The following FAM168B variants were observed in gnomAD, a reference collection of about 807,000 sequenced individuals.
FAM168B encodes the protein myelin-associated neurite-outgrowth inhibitor.
A neutral mutation model predicts 21.8 loss-of-function variants in FAM168B; 19 were observed. That is an observed-to-expected ratio of 0.87 (90% CI 0.61 to 1.28). The LOEUF is 1.28. Among genes scored for constraint, FAM168B ranks in the 50% most tolerant of loss-of-function variants. The probability of loss-of-function intolerance (pLI) is 0.00; values close to 1 mark genes in which losing one functional copy is unlikely to be tolerated. For missense variants in FAM168B, 233 were observed against 263.1 expected (o/e 0.89, Z 0.79); for synonymous variants, 126 against 104.8 (o/e 1.20, Z -1.24).
At position 131,062,524 on chromosome 2, in the gene FAM168B, T is replaced by C. The variant is rs149448233; in HGVS notation, c.155-6829A>G. ...GTGCAGCGGTGCTATCTCAGCTCAC[T>C]GCAACCTCTGCCTCCCGGGTTCAAG... On this transcript the variant is annotated intron_variant, in intron 3 of 6. Coordinates refer to ENST00000389915, the MANE Select transcript of FAM168B (RefSeq NM_001009993.4). Among the ~76,000 whole-genome samples the C allele has an allele frequency of 3.4e-3, 519 of 152,344 alleles. 14 individuals carry two copies. The East Asian group carries it at 0.077, about 23-fold the overall frequency.
chr2:131,071,910 T>A lies in FAM168B; in HGVS notation c.99A>T (p.Ala33=), dbSNP rs771740648. 5.6e-6 allele frequency: 9 copies of A among 1,613,924 alleles called. No individual in the cohort carries two copies. In the South Asian group the frequency reaches 9.9e-5, roughly 18 times the overall value. Residue 33 remains alanine (A), a synonymous_variant, in exon 3 of 7, where the codon GCA becomes GCT. Transcript: ENST00000389915. ...ACATGTTAGGAGAATAGGCAGGAGCTGCTGCTGCATAGCCCATGGGAAAAC... is the reference window on the plus strand; with the variant it reads ...ACATGTTAGGAGAATAGGCAGGAGCAGCTGCTGCATAGCCCATGGGAAAAC... The part of the protein sequence containing the change: ...PAGFPMGYAA[A]APAYSPNMYP...
At chr2:131,052,831 CA>C (rs1691765218) in intron 6 of FAM168B, 59 bp downstream of exon 6, 1 of 1,531,250 alleles carries the variant, frequency 6.5e-7, no homozygotes, top group African/African-American at 1.4e-5. Flanking sequence ...GTAAATTTGC[CA>C]CTGTCCCATG....
chr2:131,053,183 A>T (rs926816938), intron 5 of FAM168B, among the ~76,000 whole-genome samples, 168 bp from the exon 6 acceptor site: 4 of 152,178 alleles, frequency 2.6e-5, no homozygotes, highest in African/African-American at 9.7e-5. Flanking sequence ...CCCACACCCA[A>T]AAGTTGTCTC....
chr2:131,070,818 G>A (rs1032542360), intron 3 of FAM168B, among the ~76,000 whole-genome samples: 14 of 152,184 alleles, frequency 9.2e-5, no homozygotes, highest in African/African-American at 3.4e-4. Context: ...GAAAAAATGG[G>A]CCAATATGGC....
chr2:131,052,533 C>T (rs1176081691), intron 6 of FAM168B, 81 bp from the exon 7 acceptor site: 11 of 1,022,650 alleles, frequency 1.1e-5, no homozygotes, highest in Non-Finnish European at 1.3e-5. Context: ...GGATGAGGCC[C>T]AGCAGGGTCG....
rs542868863 is a variant in FAM168B, at chr2:131,058,405, C to T, written c.155-2710G>A. Among the ~76,000 whole-genome samples the T allele has an allele frequency of 1.0e-3, 152 of 152,290 alleles. 1 individual carries two copies. Among genetic ancestry groups the T allele is most frequent in the Admixed American group, 4.8e-3 (73 of 15,292 alleles). On this transcript the variant is annotated intron_variant, in intron 3 of 6. Transcript: ENST00000389915. ...GAGGTGCTGTGGCTGAGATCTGCAG[C>T]AGACCAAACAACAGGTGGTCCTGTC...
At chr2:131,057,534 G>A (rs1432420634) in intron 3 of FAM168B, among the ~76,000 whole-genome samples, 1 of 152,156 alleles carries the variant, frequency 6.6e-6, no homozygotes, top group East Asian at 1.9e-4. Flanking sequence ...GTTTTATTTG[G>A]AGTGGTGGTT....
rs752552764 is a variant in FAM168B, at chr2:131,050,630, A to G, written c.*1835T>C. The G allele has an allele frequency of 2.2e-5, 22 of 985,172 alleles. No individual in the cohort carries two copies. Among genetic ancestry groups the G allele is most frequent in the Non-Finnish European group, 2.5e-5 (21 of 829,552 alleles). 61.0% of individuals were successfully genotyped at this position (985,172 alleles called of 1,614,324 possible). A position where few individuals can be genotyped will look rare whatever the true frequency, so the allele number is the denominator to read the frequency against. On this transcript the variant is annotated 3_prime_UTR_variant, in exon 7 of 7. Transcript: ENST00000389915. Reference sequence around the variant, plus strand: ...CAATGATCCATGCAAAAATATTCCTAAACTTCTTATAAAATAAGATGTGAA... The same window carrying G: ...CAATGATCCATGCAAAAATATTCCTGAACTTCTTATAAAATAAGATGTGAA...
intron 3 of FAM168B, among the ~76,000 whole-genome samples, chr2:131,061,555 C>T (rs1282537508): frequency 2.6e-5 from 4 of 152,006 alleles, no homozygotes; most frequent in South Asian, 4.1e-4. Context: ...CTGAGGCAGG[C>T]GGATCACCTG....
rs1691952876 is a variant in FAM168B at position 131,055,337 on chromosome 2, G to T, written c.410C>A (p.Pro137His). The part of the protein sequence containing the change: ...MPATVYPAPI[P>H]PPRGNGVTMG... ...GGTGACCCCGTTGCCTCTAGGAGGG[G>T]GGATGGGAGCAGGGTACACCGTTGC... Residue 137 changes from proline (P) to histidine (H), a missense_variant, in exon 5 of 7, where the codon CCC becomes CAC. Coordinates refer to ENST00000389915, the MANE Select transcript of FAM168B (RefSeq NM_001009993.4). 7 of 1,585,206 alleles carry T rather than the reference G, an allele frequency of 4.4e-6. No individual in the cohort carries two copies. Among genetic ancestry groups the T allele is most frequent in the African/African-American group, 2.7e-5 (2 of 72,936 alleles).
chr2:131,061,880 T>C (rs1226491575), intron 3 of FAM168B, among the ~76,000 whole-genome samples: 1 of 152,100 alleles, frequency 6.6e-6, no homozygotes, highest in African/African-American at 2.4e-5. Flanking sequence ...TGAAAGATGC[T>C]GATCTGGAAG....
intron 1 of FAM168B, among the ~76,000 whole-genome samples, chr2:131,092,167 A>G (rs1256371083): frequency 2.0e-5 from 3 of 151,888 alleles, no homozygotes; most frequent in Admixed American, 6.6e-5. Flanking sequence ...AAAGTGCTCA[A>G]TTGATCCAGG....
chr2:131,052,796 T>A, intron 6 of FAM168B, 95 bp downstream of exon 6: 1 of 1,488,202 alleles, frequency 6.7e-7, no homozygotes, highest in African/African-American at 1.4e-5. Flanking sequence ...CAGGCACACT[T>A]TCCTCGTTAG....
rs1691635164 is a variant in FAM168B at position 131,050,974 on chromosome 2, G to A, written c.*1491C>T. On this transcript the variant is annotated 3_prime_UTR_variant, in exon 7 of 7. Transcript: ENST00000389915. ...CCGACATGCACTCTCATGGATACAGGACGGGCATATTTTGGGGGCGGGGTG... is the reference window on the plus strand; with the variant it reads ...CCGACATGCACTCTCATGGATACAGAACGGGCATATTTTGGGGGCGGGGTG... The A allele has an allele frequency of 3.0e-6, 3 of 985,268 alleles. No individual in the cohort carries two copies. The highest frequency in any genetic ancestry group is 6.1e-5 in the Admixed American group (1 of 16,272). The allele number at this position is 985,268 out of a possible 1,614,324, so 61.0% of individuals were successfully genotyped here.
rs988851509 is a variant in FAM168B, at chr2:131,068,867, T to C, written c.154+2988A>G. Among the ~76,000 whole-genome samples the C allele has an allele frequency of 9.9e-5, 15 of 151,926 alleles. No individual in the cohort carries two copies. The East Asian group carries it at 2.9e-3, about 29-fold the overall frequency. ...CCATCTCTACAAAAAAATAGAAAAA[T>C]TAGCCGAGTGTGGTGGTGTGCACCT... is the stretch of plus-strand genomic sequence containing the variant. On this transcript the variant is annotated intron_variant, in intron 3 of 6. Coordinates refer to ENST00000389915, the MANE Select transcript of FAM168B (RefSeq NM_001009993.4).
At position 131,055,253 on chromosome 2, in the gene FAM168B, C is replaced by T. The variant is rs148566888; in HGVS notation, c.475+19G>A. 30 of 1,527,232 alleles carry T rather than the reference C, an allele frequency of 2.0e-5. No individual in the cohort carries two copies. Among genetic ancestry groups the T allele is most frequent in the South Asian group, 1.6e-4 (12 of 76,244 alleles). 94.6% of individuals were successfully genotyped at this position (1,527,232 alleles called of 1,614,324 possible). On this transcript the variant is annotated intron_variant, in intron 5 of 6. Coordinates refer to ENST00000389915, the MANE Select transcript of FAM168B (RefSeq NM_001009993.4). ...CTAGGGTACACCATAGGACAGACAC[C>T]GCAGGAACGAGGACTTACCTGCTGA... is the stretch of plus-strand genomic sequence containing the variant.
rs1450231724 is a variant in FAM168B, at chr2:131,050,987, TGGGGGCG to T, written c.*1471_*1477del. 1.0e-6 allele frequency: 1 copy of T among 985,300 alleles called. No individual in the cohort carries two copies. The highest frequency in any genetic ancestry group is 6.1e-5 in the Admixed American group (1 of 16,268). 61.0% of individuals were successfully genotyped at this position (985,300 alleles called of 1,614,324 possible). A position where few individuals can be genotyped will look rare whatever the true frequency, so the allele number is the denominator to read the frequency against. ...TCATGGATACAGGACGGGCATATTTTGGGGGCGGGGTGGAGGGAAGCCTTTTCATTTC... is the reference window on the plus strand; with the variant it reads ...TCATGGATACAGGACGGGCATATTTTGGGTGGAGGGAAGCCTTTTCATTTC... On this transcript the variant is annotated 3_prime_UTR_variant, in exon 7 of 7. Coordinates refer to ENST00000389915, the MANE Select transcript of FAM168B (RefSeq NM_001009993.4).
At chr2:131,089,374 A>C (rs539795325) in intron 1 of FAM168B, among the ~76,000 whole-genome samples, 71 of 152,286 alleles carry the variant, frequency 4.7e-4, no homozygotes, top group Non-Finnish European at 8.8e-4. Context: ...TACCTTTAAA[A>C]AGATGACAGC....
intron 1 of FAM168B, among the ~76,000 whole-genome samples, chr2:131,087,653 G>A (rs1489674511): frequency 1.3e-5 from 2 of 152,160 alleles, no homozygotes; most frequent in Non-Finnish European, 2.9e-5. Context: ...ACACAGCTTA[G>A]GTACAACCAC....
Sources: gnomAD v4.1 joint callset for allele counts (sites outside exome capture counted in the v4.1 genomes callset) on GRCh38, gnomAD v4.1.1 for gene constraint, MANE v1.5 for transcripts, NCBI Gene and HGNC (gene_info 2026-07-23, HGNC 2026-07-21) for gene names.